PPP1R12A: variants seen among roughly 807,000 people sequenced by gnomAD.
PPP1R12A encodes the protein myosin binding subunit.
A neutral mutation model predicts 139.6 loss-of-function variants in PPP1R12A; 19 were observed. The ratio of observed to expected loss-of-function variants is 0.14; its 90% confidence interval spans 0.09 to 0.20. The LOEUF (loss-of-function observed/expected upper bound fraction) is 0.20, where lower values mean the gene tolerates loss of function less well. Ranked by LOEUF, PPP1R12A falls within the 10% of genes least tolerant of loss-of-function variation. The pLI is 1.00. For missense variants in PPP1R12A, 925 were observed against 1,211.5 expected, an observed-to-expected ratio of 0.76 and a Z score of 3.51; for synonymous variants, 427 against 420.6, an observed-to-expected ratio of 1.02 and a Z score of -0.19.
intron 1 of PPP1R12A, among the ~76,000 whole-genome samples, chr12:79,908,378 T>C (rs1886297296): frequency 6.6e-6 from 1 of 152,238 alleles, no homozygotes; most frequent in Non-Finnish European, 1.5e-5. Context: ...AAAGAGCAGT[T>C]AATAATAGAA....
intron 24 of PPP1R12A, 119 bp downstream of exon 24, chr12:79,778,431 C>CAG: frequency 1.5e-6 from 1 of 655,094 alleles, no homozygotes; most frequent in South Asian, 4.1e-5. Context: ...CAGATATAGA[C>CAG]AGTTCACAAA....
intron 2 of PPP1R12A, among the ~76,000 whole-genome samples, chr12:79,869,903 CTATTATTATTAT>C (rs200825139): frequency 8.9e-5 from 13 of 145,440 alleles, no homozygotes; most frequent in Middle Eastern, 3.2e-3. Context: ...ACTATTGTCT[CTATTATTATTAT>C]TATTATTATT....
At chr12:79,901,531 G>A (rs1885642518) in intron 1 of PPP1R12A, among the ~76,000 whole-genome samples, 1 of 151,752 alleles carries the variant, frequency 6.6e-6, no homozygotes, top group Non-Finnish European at 1.5e-5. Flanking sequence ...AAAAAAGTAT[G>A]TGAAAAGTGC....
At chr12:79,892,805 T>A (rs1160468462) in intron 1 of PPP1R12A, among the ~76,000 whole-genome samples, 1 of 152,118 alleles carries the variant, frequency 6.6e-6, no homozygotes, top group Non-Finnish European at 1.5e-5. Flanking sequence ...TGGCAAATGT[T>A]AATAAATGCT....
chr12:79,903,572 C>T (rs1260799660), intron 1 of PPP1R12A, among the ~76,000 whole-genome samples: 1 of 152,006 alleles, frequency 6.6e-6, no homozygotes, highest in Non-Finnish European at 1.5e-5. Context: ...TAAATACATG[C>T]AAATATTCCA....
intron 1 of PPP1R12A, among the ~76,000 whole-genome samples, chr12:79,926,256 G>T (rs990890989): frequency 6.6e-6 from 1 of 152,198 alleles, no homozygotes; most frequent in Non-Finnish European, 1.5e-5. Context: ...CATGATCTCA[G>T]TTCACTCCAA....
chr12:79,892,792 GA>G (rs1391674471), intron 1 of PPP1R12A, among the ~76,000 whole-genome samples: 1 of 152,018 alleles, frequency 6.6e-6, no homozygotes, highest in African/African-American at 2.4e-5. Flanking sequence ...TGAAACTACT[GA>G]ATGGCAAATG....
intron 3 of PPP1R12A, among the ~76,000 whole-genome samples, chr12:79,838,514 A>G (rs947938134): frequency 6.6e-6 from 1 of 152,224 alleles, no homozygotes; most frequent in Non-Finnish European, 1.5e-5. Flanking sequence ...AGCCCTTCCC[A>G]TCACAGGCCT....
chr12:79,795,502 A>G, intron 18 of PPP1R12A, 136 bp downstream of exon 18: 2 of 972,524 alleles, frequency 2.1e-6, no homozygotes, highest in Non-Finnish European at 2.9e-6. Context: ...TTCTTATTTA[A>G]CAACTCAGAA....
chr12:79,856,538 C>T (rs954216252), intron 2 of PPP1R12A, among the ~76,000 whole-genome samples: 1 of 152,202 alleles, frequency 6.6e-6, no homozygotes, highest in East Asian at 1.9e-4. Context: ...GTCTTTCTTG[C>T]ATAAATGATA....
chr12:79,828,110 G>C (rs1877013428), intron 5 of PPP1R12A: 1 of 348,048 alleles, frequency 2.9e-6, no homozygotes, highest in Non-Finnish European at 5.0e-6. Context: ...TTTCTTTGCA[G>C]TACAAGGCCA....
At chr12:79,919,381 C>A in intron 1 of PPP1R12A, among the ~76,000 whole-genome samples, 1 of 151,604 alleles carries the variant, frequency 6.6e-6, no homozygotes, top group Middle Eastern at 3.2e-3. Flanking sequence ...ATGGTGAAAC[C>A]CCATCTCTAC....
At chr12:79,786,662 A>G (rs761608255) in intron 21 of PPP1R12A, 184 bp from the exon 22 acceptor site, 163 of 421,674 alleles carry the variant, frequency 3.9e-4, no homozygotes, top group Non-Finnish European at 5.2e-4. Flanking sequence ...TGTTTGTCCC[A>G]TATAAAGTCT....
intron 8 of PPP1R12A, among the ~76,000 whole-genome samples, chr12:79,817,859 A>T (rs1194231927): frequency 6.6e-6 from 1 of 152,234 alleles, no homozygotes; most frequent in Non-Finnish European, 1.5e-5. Flanking sequence ...TAAAACCTTA[A>T]CAGTAGCTAT....
chr12:79,838,868 G>T (rs182610678), intron 3 of PPP1R12A, among the ~76,000 whole-genome samples: 503 of 152,354 alleles, frequency 3.3e-3, no homozygotes, highest in Admixed American at 5.9e-3. Flanking sequence ...AGGGAAATGT[G>T]AGGTCAGAGA....
At chr12:79,928,674 C>G (rs1888028693) in intron 1 of PPP1R12A, among the ~76,000 whole-genome samples, 1 of 152,202 alleles carries the variant, frequency 6.6e-6, no homozygotes, top group African/African-American at 2.4e-5. Flanking sequence ...TAAACAGTTA[C>G]AAACTATAAA....
Position 79,897,720 on chromosome 12 carries a change from T to C in PPP1R12A, c.238-24782A>G, listed in dbSNP as rs950082172. 2.0e-5 allele frequency among the ~76,000 whole-genome samples: 3 copies of C among 152,156 alleles called. No individual in the cohort carries two copies. In the South Asian group the frequency reaches 6.2e-4, roughly 32 times the overall value. Reference sequence around the variant, plus strand: ...GAAGAACGTGGTACCACATCCTGCATCTCCTCCACCCTTTTTAAACTGAAT... The same window carrying C: ...GAAGAACGTGGTACCACATCCTGCACCTCCTCCACCCTTTTTAAACTGAAT... On this transcript the variant is annotated intron_variant, in intron 1 of 24. Coordinates refer to ENST00000450142, the MANE Select transcript of PPP1R12A (RefSeq NM_002480.3).
chr12:79,821,022 G>A, intron 7 of PPP1R12A, 56 bp downstream of exon 7: 1 of 1,588,776 alleles, frequency 6.3e-7, no homozygotes, highest in Non-Finnish European at 8.6e-7. Context: ...CATGCCTGTG[G>A]CCACTATGCC....
At chr12:79,781,933 T>C in intron 22 of PPP1R12A, 71 bp from the exon 23 acceptor site, 2 of 828,544 alleles carry the variant, frequency 2.4e-6, no homozygotes, top group Non-Finnish European at 3.9e-6. Flanking sequence ...GTAATTCTCT[T>C]TTAATAGGTA....
Sources: gnomAD v4.1 joint callset for allele counts (sites outside exome capture counted in the v4.1 genomes callset) on GRCh38, gnomAD v4.1.1 for gene constraint, MANE v1.5 for transcripts, NCBI Gene and HGNC (gene_info 2026-07-23, HGNC 2026-07-21) for gene names.